Variants in CNTNAP2 observed in about 807,000 individuals in gnomAD.
CNTNAP2 encodes contactin-associated protein-like 2.
In CNTNAP2, 98 loss-of-function variants were observed where a neutral mutation model predicts 155.2. The ratio of observed to expected loss-of-function variants is 0.63; its 90% CI spans 0.54 to 0.75. The LOEUF (loss-of-function observed/expected upper bound fraction) is 0.75. Among genes scored for constraint, CNTNAP2 ranks in the 30% least tolerant of loss-of-function variants. The pLI is 0.00. For missense variants in CNTNAP2, 1,727 were observed against 1,688.1 expected (o/e 1.02, Z -0.40); for synonymous variants, 651 against 631.2 (o/e 1.03, Z -0.47).
chr7:146,506,177 C>T (rs1357005579), intron 1 of CNTNAP2, among the ~76,000 whole-genome samples: 1 of 152,188 alleles, frequency 6.6e-6, no homozygotes, highest in Non-Finnish European at 1.5e-5. Flanking sequence ...CAAGGGTAGG[C>T]AAACAGCAGA....
chr7:147,665,629 T>C (rs851731), intron 13 of CNTNAP2, among the ~76,000 whole-genome samples: 29,976 of 151,924 alleles, frequency 0.2, 5,744 homozygotes, highest in African/African-American at 0.5. Flanking sequence ...CCTCCCATCC[T>C]CCACCCTCTG....
rs1180863366 is a variant in CNTNAP2, at chr7:146,642,328, T to G, written c.98-131943T>G. On this transcript the variant is annotated intron_variant, in intron 1 of 23. Coordinates refer to ENST00000361727, the MANE Select transcript of CNTNAP2 (RefSeq NM_014141.6). The stretch of plus-strand genomic sequence containing the variant: ...CCCCCCTCCCCCCACCCCACAACAG[T>G]CCACAGAGTGTGATGTTCCCCTTCC... 6.9e-5 allele frequency among the ~76,000 whole-genome samples: 8 copies of G among 115,324 alleles called. No individual in the cohort carries two copies. The Admixed American group carries it at 7.5e-4, about 11-fold the overall frequency. The allele number at this position is 115,324 out of a possible 152,430, so 75.7% of individuals were successfully genotyped here.
chr7:146,279,429 AAC>A (rs60178387), intron 1 of CNTNAP2, among the ~76,000 whole-genome samples: 11,383 of 144,386 alleles, frequency 0.079, 442 homozygotes, highest in Middle Eastern at 0.11. Context: ...CATTTCCTTA[AAC>A]ACACACACAC....
At chr7:147,500,285 C>A (rs1001034954) in intron 11 of CNTNAP2, among the ~76,000 whole-genome samples, 3 of 152,070 alleles carry the variant, frequency 2.0e-5, no homozygotes, top group Non-Finnish European at 4.4e-5. Context: ...AAGGCATAGA[C>A]ATTTTTACAT....
intron 9 of CNTNAP2, among the ~76,000 whole-genome samples, chr7:147,354,047 A>G (rs1796017145): frequency 6.6e-6 from 1 of 151,666 alleles, no homozygotes; most frequent in Non-Finnish European, 1.5e-5. Context: ...TCTTTATCAT[A>G]TGGATAGATT....
chr7:147,036,476 A>G (rs1799153438), intron 3 of CNTNAP2, among the ~76,000 whole-genome samples: 1 of 152,208 alleles, frequency 6.6e-6, no homozygotes, highest in Non-Finnish European at 1.5e-5. Flanking sequence ...GTAGAACCAT[A>G]GGTTTAACAT....
rs1802567784 is a variant in CNTNAP2, at chr7:148,036,036, C to T, written c.2383+58047C>T. Among the ~76,000 whole-genome samples the T allele has an allele frequency of 2.6e-5, 4 of 152,166 alleles. No homozygotes were observed. The South Asian group carries it at 8.3e-4, about 31-fold the overall frequency. ...TCAAAATGGGCATGTCTATACTATG[C>T]CTGTTTTAGTTCTAGGATTATATTT... On this transcript the variant is annotated intron_variant, in intron 15 of 23. Coordinates refer to ENST00000361727, the MANE Select transcript of CNTNAP2 (RefSeq NM_014141.6).
At chr7:146,457,005 A>T (rs2129123612) in intron 1 of CNTNAP2, among the ~76,000 whole-genome samples, 1 of 152,182 alleles carries the variant, frequency 6.6e-6, no homozygotes, top group South Asian at 2.1e-4. Context: ...ATTTAAATGT[A>T]TTTTTTTCAA....
At chr7:146,627,994 T>C (rs1799448167) in intron 1 of CNTNAP2, among the ~76,000 whole-genome samples, 2 of 152,156 alleles carry the variant, frequency 1.3e-5, no homozygotes, top group Non-Finnish European at 1.5e-5. Context: ...GAGTGTGTGG[T>C]CACGTATATC....
intron 9 of CNTNAP2, among the ~76,000 whole-genome samples, chr7:147,341,161 C>T (rs1214652990): frequency 6.6e-6 from 1 of 151,098 alleles, no homozygotes; most frequent in East Asian, 1.9e-4. Context: ...TCCATTGCAG[C>T]CATGTAAAAA....
intron 15 of CNTNAP2, among the ~76,000 whole-genome samples, chr7:148,099,879 T>G (rs1685683352): frequency 7.1e-6 from 1 of 141,552 alleles, no homozygotes; most frequent in Non-Finnish European, 1.5e-5. Context: ...TTTTTTTTTT[T>G]TTTTTTTTTT....
intron 1 of CNTNAP2, among the ~76,000 whole-genome samples, chr7:146,186,614 C>T (rs1348106519): frequency 1.3e-5 from 2 of 152,046 alleles, no homozygotes; most frequent in African/African-American, 2.4e-5. Context: ...TTCAAATAGA[C>T]TTTCTGTTGC....
chr7:147,714,946 C>A (rs1290666235), intron 13 of CNTNAP2, among the ~76,000 whole-genome samples: 2 of 152,008 alleles, frequency 1.3e-5, no homozygotes, highest in Non-Finnish European at 2.9e-5. Flanking sequence ...AGTATGTATT[C>A]TTTTAAGATT....
intron 1 of CNTNAP2, among the ~76,000 whole-genome samples, chr7:146,526,955 T>C (rs914276316): frequency 6.6e-6 from 1 of 152,108 alleles, no homozygotes; most frequent in African/African-American, 2.4e-5. Context: ...AGTTTTACTA[T>C]ATTGCCCAGG....
intron 1 of CNTNAP2, among the ~76,000 whole-genome samples, chr7:146,697,272 C>T (rs1283033207): frequency 6.6e-6 from 1 of 151,140 alleles, no homozygotes; most frequent in Non-Finnish European, 1.5e-5. Flanking sequence ...GGGTCTTGCT[C>T]TGTTGCCCAG....
At chr7:147,128,945 G>A (rs1801295628) in intron 7 of CNTNAP2, 109 bp downstream of exon 7, 2 of 1,429,360 alleles carry the variant, frequency 1.4e-6, no homozygotes, top group Non-Finnish European at 2.0e-6. Flanking sequence ...TCATATTTGT[G>A]TTTGGGCAAA....
intron 3 of CNTNAP2, among the ~76,000 whole-genome samples, chr7:146,871,651 AATT>A (rs1256973109): frequency 6.6e-6 from 1 of 152,134 alleles, no homozygotes; most frequent in Non-Finnish European, 1.5e-5. Context: ...TATATTTAAC[AATT>A]ATTGTAAACT....
chr7:147,007,229 G>C (rs564730453), intron 3 of CNTNAP2, among the ~76,000 whole-genome samples: 1 of 152,224 alleles, frequency 6.6e-6, no homozygotes, highest in East Asian at 1.9e-4. Context: ...TTTTCTGCTA[G>C]GGCCAGGTAA....
rs1554459285 is a variant in CNTNAP2, at chr7:146,632,952, A to AAC, written c.98-141318_98-141317insCA. 9.9e-5 allele frequency among the ~76,000 whole-genome samples: 15 copies of AAC among 151,984 alleles called. No individual in the cohort carries two copies. In the East Asian group the frequency reaches 2.9e-3, roughly 29 times the overall value. ...AAGAAAATTGGTAAGCAAAAAAAAA[A>AAC]ATACAAAATATCGGAAGAATTACTG... On this transcript the variant is annotated intron_variant, in intron 1 of 23. Coordinates refer to ENST00000361727, the MANE Select transcript of CNTNAP2 (RefSeq NM_014141.6).
Sources: gnomAD v4.1 joint callset for allele counts (sites outside exome capture counted in the v4.1 genomes callset) on GRCh38, gnomAD v4.1.1 for gene constraint, MANE v1.5 for transcripts, NCBI Gene and HGNC (gene_info 2026-07-23, HGNC 2026-07-21) for gene names.